The following WDPCP variants were observed in gnomAD, a reference collection of about 807,000 sequenced individuals.
The protein encoded by WDPCP is WD repeat containing planar cell polarity effector, also known as WD repeat-containing and planar cell polarity effector protein fritz homolog.
A neutral mutation model predicts 93.1 loss-of-function variants in WDPCP; 71 were observed. The ratio of observed to expected loss-of-function variants is 0.76; its 90% confidence interval spans 0.63 to 0.93. The LOEUF is 0.93. WDPCP is among the 40% of genes least tolerant of loss of function. The pLI is 0.00. For missense variants in WDPCP, 844 were observed against 887.4 expected (o/e 0.95, Z 0.62); for synonymous variants, 315 against 315.0 (o/e 1.00, Z 0.00).
At chr2:63,769,198 C>G (rs1670189503) in intron 2 of WDPCP, among the ~76,000 whole-genome samples, 1 of 151,862 alleles carries the variant, frequency 6.6e-6, no homozygotes, top group Non-Finnish European at 1.5e-5. Flanking sequence ...AAAATGAATA[C>G]ATTGCCAGTG....
chr2:63,756,667 ATTTGAGTT>A (rs1669973185), intron 2 of WDPCP, among the ~76,000 whole-genome samples: 1 of 152,164 alleles, frequency 6.6e-6, no homozygotes, highest in Non-Finnish European at 1.5e-5. Flanking sequence ...CATCTAGTCT[ATTTGAGTT>A]CCAGTTTCCT....
chr2:63,378,865 T>C (rs906140813), intron 11 of WDPCP, among the ~76,000 whole-genome samples: 23 of 152,160 alleles, frequency 1.5e-4, no homozygotes, highest in African/African-American at 5.1e-4. Context: ...ACATTTACTG[T>C]CTTTGGCTAA....
chr2:63,313,742 TAAGG>T (rs955297757), intron 12 of WDPCP, among the ~76,000 whole-genome samples: 24 of 151,822 alleles, frequency 1.6e-4, no homozygotes, highest in Admixed American at 1.6e-3. Context: ...TGGGATATAC[TAAGG>T]AAGAGGTCAG....
intron 14 of WDPCP, among the ~76,000 whole-genome samples, chr2:63,253,019 A>G (rs530591338): frequency 2.0e-5 from 3 of 152,286 alleles, no homozygotes; most frequent in Admixed American, 2.0e-4. Flanking sequence ...AAACTATACT[A>G]CAAGTCTGCA....
chr2:63,413,578 A>G (rs1695177492), intron 9 of WDPCP, among the ~76,000 whole-genome samples: 1 of 152,170 alleles, frequency 6.6e-6, no homozygotes, highest in Non-Finnish European at 1.5e-5. Context: ...CGAGCGGATC[A>G]TGAGGTCAGG....
chr2:63,758,094 G>GTT (rs76567414), intron 2 of WDPCP, among the ~76,000 whole-genome samples: 5 of 141,832 alleles, frequency 3.5e-5, no homozygotes, highest in Non-Finnish European at 3.1e-5. Flanking sequence ...AGTGTTGTTG[G>GTT]TTTTTTTTTT....
At chr2:63,688,204 A>C (rs936769891) in intron 2 of WDPCP, among the ~76,000 whole-genome samples, 7 of 152,180 alleles carry the variant, frequency 4.6e-5, no homozygotes, top group African/African-American at 1.4e-4. Flanking sequence ...AGGCGGGCAG[A>C]TCACGAGGTC....
At chr2:63,235,271 A>C (rs1679287284) in intron 14 of WDPCP, among the ~76,000 whole-genome samples, 2 of 152,202 alleles carry the variant, frequency 1.3e-5, no homozygotes, top group Non-Finnish European at 2.9e-5. Flanking sequence ...CTGGAAACAC[A>C]CAACCACCCA....
chr2:63,413,270 A>G (rs866732579), intron 9 of WDPCP, among the ~76,000 whole-genome samples: 9 of 152,220 alleles, frequency 5.9e-5, no homozygotes, highest in Admixed American at 2.0e-4. Flanking sequence ...ATACAGTGGG[A>G]AAAGGACACC....
intron 10 of WDPCP, among the ~76,000 whole-genome samples, chr2:63,398,142 G>C (rs1410810313): frequency 6.6e-6 from 1 of 152,098 alleles, no homozygotes; most frequent in East Asian, 1.9e-4. Flanking sequence ...TGGTTGAGTG[G>C]GGGCGTCGTA....
At chr2:63,387,715 T>C (rs763224915) in intron 10 of WDPCP, among the ~76,000 whole-genome samples, 2 of 124,198 alleles carry the variant, frequency 1.6e-5, no homozygotes, top group Non-Finnish European at 3.5e-5. Context: ...TATGATTCTA[T>C]ACCTGGAAAC....
intron 14 of WDPCP, among the ~76,000 whole-genome samples, chr2:63,192,943 T>G (rs2104245220): frequency 6.6e-6 from 1 of 152,340 alleles, no homozygotes; most frequent in African/African-American, 2.4e-5. Context: ...AACTGACAGC[T>G]CTACTTAACA....
chr2:63,251,617 A>G (rs1680735321), intron 14 of WDPCP, among the ~76,000 whole-genome samples: 1 of 148,202 alleles, frequency 6.7e-6, no homozygotes, highest in African/African-American at 2.5e-5. Flanking sequence ...TCAGCCTCCC[A>G]GGTAGCTGGG....
chr2:63,320,357 TG>T (rs763488153), intron 12 of WDPCP, among the ~76,000 whole-genome samples: 61 of 152,182 alleles, frequency 4.0e-4, no homozygotes, highest in Admixed American at 8.5e-4. Context: ...AAATGCTAGA[TG>T]GAAATGCAGA....
chr2:63,461,233 T>C (rs1284315620), intron 6 of WDPCP, among the ~76,000 whole-genome samples: 1 of 151,916 alleles, frequency 6.6e-6, no homozygotes, highest in East Asian at 1.9e-4. Context: ...TAATCCCCAG[T>C]GTTGGAGGTG....
At chr2:63,486,494 G>A in intron 4 of WDPCP, 48 bp downstream of exon 4, 1 of 1,490,438 alleles carries the variant, frequency 6.7e-7, no homozygotes, top group Non-Finnish European at 9.1e-7. Context: ...TTATAATACT[G>A]AACTTTACAG....
intron 10 of WDPCP, among the ~76,000 whole-genome samples, chr2:63,392,809 G>A (rs1693385903): frequency 6.6e-6 from 1 of 152,214 alleles, no homozygotes; most frequent in Admixed American, 6.5e-5. Flanking sequence ...CTGGTCATCA[G>A]AGAAATGCAA....
chr2:63,514,335 G>T (rs1702422320), intron 1 of WDPCP, among the ~76,000 whole-genome samples: 1 of 152,046 alleles, frequency 6.6e-6, no homozygotes, highest in Non-Finnish European at 1.5e-5. Context: ...CTGAGTAAAT[G>T]CCTCATCCCA....
chr2:63,506,685 G>C (rs1254707691), intron 1 of WDPCP, among the ~76,000 whole-genome samples: 2 of 152,042 alleles, frequency 1.3e-5, no homozygotes, highest in African/African-American at 4.8e-5. Context: ...GAAAACAAGA[G>C]AACTGTTTGA....
Sources: allele counts gnomAD v4.1 joint callset (sites outside exome capture counted in the v4.1 genomes callset), GRCh38; gene constraint gnomAD v4.1.1; transcripts MANE v1.5; gene names NCBI Gene and HGNC (gene_info 2026-07-23, HGNC 2026-07-21).